The following CA12 variants were observed in gnomAD, a reference collection of about 807,000 sequenced individuals.
CA12 encodes carbonic anhydrase 12, also known as carbonate dehydratase XII.
In CA12, 36 loss-of-function variants were observed where a neutral mutation model predicts 46.8. The observed-to-expected ratio is 0.77, with a 90% confidence interval of 0.59 to 1.02. The LOEUF (loss-of-function observed/expected upper bound fraction) is 1.02, where lower values mean the gene tolerates loss of function less well. CA12 is among the 50% of genes least tolerant of loss of function. The pLI, the probability that CA12 is intolerant of heterozygous loss-of-function variation, is 0.00. For synonymous variants in CA12, 202 were observed against 187.0 expected, an observed-to-expected ratio of 1.08 and a Z score of -0.65; for missense variants, 436 against 451.4, an observed-to-expected ratio of 0.97 and a Z score of 0.31.
chr15:63,363,977 CG>C (rs1284781259), intron 2 of CA12, among the ~76,000 whole-genome samples: 1 of 152,034 alleles, frequency 6.6e-6, no homozygotes, highest in Non-Finnish European at 1.5e-5. Context: ...CACCTGAGGT[CG>C]GGAGTTCGAG....
At chr15:63,380,378 G>A (rs547442277) in intron 1 of CA12, among the ~76,000 whole-genome samples, 14 of 152,298 alleles carry the variant, frequency 9.2e-5, no homozygotes, top group African/African-American at 3.4e-4. Context: ...CTGCCCCAGA[G>A]TGAGAGGAGC....
At chr15:63,364,046 G>A (rs569398390) in intron 2 of CA12, among the ~76,000 whole-genome samples, 4 of 152,114 alleles carry the variant, frequency 2.6e-5, no homozygotes, top group Admixed American at 2.0e-4. Context: ...AATTAGCCGG[G>A]CGTGGTGGCG....
Position 63,346,647 on chromosome 15 carries a change from G to A in CA12, c.169C>T (p.Pro57Ser). Residue 57 changes from proline to serine, a missense_variant, in exon 3 of 11, where the codon CCC (proline) becomes TCC (serine). Physicochemically the swap from Pro to Ser is moderately conservative, Grantham distance 74. Transcript: ENST00000178638. ...YPSCGGLLQS[P>S]IDLHSDILQY... ...AGGATGTCACTGTGCAGGTCTATGG[G>A]GGACTGCAGCAGGCCCCCACACGAC... The A allele has an allele frequency of 1.2e-6, 2 of 1,613,438 alleles. No homozygotes were observed. Among genetic ancestry groups the A allele is most frequent in the Non-Finnish European group, 1.7e-6 (2 of 1,179,812 alleles).
chr15:63,367,875 T>G (rs988747684), intron 2 of CA12, among the ~76,000 whole-genome samples: 7 of 152,162 alleles, frequency 4.6e-5, no homozygotes, highest in Non-Finnish European at 8.8e-5. Context: ...CTAAATTACT[T>G]TGTTTTTACA....
intron 2 of CA12, among the ~76,000 whole-genome samples, chr15:63,371,644 C>G (rs2039508516): frequency 6.6e-6 from 1 of 152,242 alleles, no homozygotes; most frequent in Non-Finnish European, 1.5e-5. Context: ...GCGTTTAAGA[C>G]TTTGCAGATC....
intron 4 of CA12, 22 bp from the exon 5 acceptor site, chr15:63,342,119 C>T (rs371144012): frequency 1.2e-5 from 18 of 1,526,484 alleles, no homozygotes; most frequent in Non-Finnish European, 1.5e-5. Flanking sequence ...GAGAAGCCAC[C>T]CATTAGGAGA....
rs939798353 is a variant in CA12, at chr15:63,327,901, A to T, written c.907+197T>A. ...TACACACATGCTGTAGAGTGATTGG[A>T]TCTTTCATTAGAGGAACATTTGATT... On this transcript the variant is annotated intron_variant, in intron 9 of 10. Transcript: ENST00000178638. This position sits in a 1 kb window ranked among gnomAD's most constrained non-coding sequence, Gnocchi z 4.5. 2.0e-5 allele frequency among the ~76,000 whole-genome samples: 3 copies of T among 152,190 alleles called. No individual in the cohort carries two copies. The highest frequency in any genetic ancestry group is 4.4e-5 in the Non-Finnish European group (3 of 68,024).
In CA12 at chr15:63,327,381, T is replaced by C. The variant is rs2038881303; in HGVS notation, c.908-148A>G. On this transcript the variant is annotated intron_variant, in intron 9 of 10. Transcript: ENST00000178638. The surrounding 1 kb of genome is among the most constrained non-coding windows in gnomAD (Gnocchi z 4.5). ...ATCCCTGTTCTCAGATTCTGGTCTT[T>C]GGCTTAGTGGGACTGGCTGGAGTAT... is the stretch of plus-strand genomic sequence containing the variant. 1 of 730,786 alleles carries C rather than the reference T, an allele frequency of 1.4e-6. No homozygotes were observed. The highest frequency in any genetic ancestry group is 2.4e-6 in the Non-Finnish European group (1 of 413,408). 45.3% of individuals were successfully genotyped at this position (730,786 alleles called of 1,614,324 possible).
chr15:63,326,082 G>T lies in CA12; in HGVS notation c.*203C>A. 1 of 597,838 alleles carries T rather than the reference G, an allele frequency of 1.7e-6. No homozygotes were observed. Among genetic ancestry groups the T allele is most frequent in the Non-Finnish European group, 3.0e-6 (1 of 329,380 alleles). The allele number at this position is 597,838 out of a possible 1,614,324, so 37.0% of individuals were successfully genotyped here. A position where few individuals can be genotyped will look rare whatever the true frequency, so the allele number is the denominator to read the frequency against. On this transcript the variant is annotated 3_prime_UTR_variant, in exon 11 of 11. Coordinates refer to ENST00000178638, the MANE Select transcript of CA12 (RefSeq NM_001218.5). ...AATTCCTGCTGCTTGGTCTGAGAGT[G>T]CATCCCATCCATCGATCGGATGGCT...
rs927455216 is a variant in CA12 at position 63,345,273 on chromosome 15, A to G, written c.429+204T>C. The stretch of plus-strand genomic sequence containing the variant: ...ACACAGGGACAAACTTAGCATGTTC[A>G]GGAGAAGAAAGGGACCAGGACAGTG... On this transcript the variant is annotated intron_variant, in intron 4 of 10. Coordinates refer to ENST00000178638, the MANE Select transcript of CA12 (RefSeq NM_001218.5). The surrounding 1 kb of genome is among the most constrained non-coding windows in gnomAD (Gnocchi z 4.3). Among the ~76,000 whole-genome samples, 1 of 152,262 alleles carries G rather than the reference A, an allele frequency of 6.6e-6. No individual in the cohort carries two copies. Among genetic ancestry groups the G allele is most frequent in the East Asian group, 1.9e-4 (1 of 5,196 alleles).
chr15:63,334,053 G>T (rs912094334), intron 8 of CA12, among the ~76,000 whole-genome samples: 2 of 151,980 alleles, frequency 1.3e-5, no homozygotes, highest in Admixed American at 1.3e-4. Context: ...CAAGAACCAG[G>T]CCAAAGCCCT....
Position 63,355,701 on chromosome 15 carries a change from A to G in CA12, c.107-8992T>C, listed in dbSNP as rs763594695. On this transcript the variant is annotated intron_variant, in intron 2 of 10. Coordinates refer to ENST00000178638, the MANE Select transcript of CA12 (RefSeq NM_001218.5). This position sits in a 1 kb window ranked among gnomAD's most constrained non-coding sequence, Gnocchi z 4.1. ...CCACTAAGTTAAACAAACTGCTGAC[A>G]TGCTAACAACCTAACCCCTATCATG... is the stretch of plus-strand genomic sequence containing the variant. Among the ~76,000 whole-genome samples the G allele has an allele frequency of 6.6e-6, 1 of 152,200 alleles. No individual in the cohort carries two copies. Among genetic ancestry groups the G allele is most frequent in the African/African-American group, 2.4e-5 (1 of 41,416 alleles).
At position 63,339,644 on chromosome 15, in the gene CA12, G is replaced by A. The variant is rs1188136987; in HGVS notation, c.747+644C>T. On this transcript the variant is annotated intron_variant, in intron 7 of 10. Transcript: ENST00000178638. The surrounding 1 kb of genome is among the most constrained non-coding windows in gnomAD (Gnocchi z 4.3). Reference sequence around the variant, plus strand: ...AGCTGGCGTGGGGCTGTGAGCCAGGGTGTAGTGCTGGCCCCAGCCCCGTCT... The same window carrying A: ...AGCTGGCGTGGGGCTGTGAGCCAGGATGTAGTGCTGGCCCCAGCCCCGTCT... Among the ~76,000 whole-genome samples, 1 of 152,236 alleles carries A rather than the reference G, an allele frequency of 6.6e-6. No homozygotes were observed. Among genetic ancestry groups the A allele is most frequent in the Non-Finnish European group, 1.5e-5 (1 of 68,042 alleles).
At position 63,373,398 on chromosome 15, in the gene CA12, A is replaced by G. The variant is rs1364023306; in HGVS notation, c.106+2260T>C. 6.6e-6 allele frequency among the ~76,000 whole-genome samples: 1 copy of G among 151,900 alleles called. No individual in the cohort carries two copies. The highest frequency in any genetic ancestry group is 1.5e-5 in the Non-Finnish European group (1 of 67,976). On this transcript the variant is annotated intron_variant, in intron 2 of 10. Transcript: ENST00000178638. This position sits in a 1 kb window ranked among gnomAD's most constrained non-coding sequence, Gnocchi z 4.9. ...ATTTGTCCTCCCACACCTTCACACA[A>G]TGTCTCTGTTCCCTGTCGCCATCTC...
At position 63,374,565 on chromosome 15, in the gene CA12, C is replaced by T. The variant is rs1259682620; in HGVS notation, c.106+1093G>A. 1.3e-5 allele frequency among the ~76,000 whole-genome samples: 2 copies of T among 152,226 alleles called. No homozygotes were observed. Among genetic ancestry groups the T allele is most frequent in the African/African-American group, 4.8e-5 (2 of 41,468 alleles). The stretch of plus-strand genomic sequence containing the variant: ...CAATGTGCTGTGCACATAATCAGTA[C>T]ATAAGGGATGTTAGCAATAACGGAG... On this transcript the variant is annotated intron_variant, in intron 2 of 10. Transcript: ENST00000178638. The surrounding 1 kb of genome is among the most constrained non-coding windows in gnomAD (Gnocchi z 4.4).
At chr15:63,363,889 T>C (rs1378591635) in intron 2 of CA12, among the ~76,000 whole-genome samples, 1 of 152,194 alleles carries the variant, frequency 6.6e-6, no homozygotes, top group African/African-American at 2.4e-5. Flanking sequence ...AAAAGGCTTA[T>C]CAAGAGTGGG....
intron 1 of CA12, among the ~76,000 whole-genome samples, 157 bp from the exon 2 acceptor site, chr15:63,375,835 G>A (rs1318707821): frequency 6.7e-6 from 1 of 150,370 alleles, no homozygotes; most frequent in East Asian, 1.9e-4. Flanking sequence ...TCAAGGTGGA[G>A]TATTGCTCTT....
chr15:63,370,911 C>T (rs2039496550), intron 2 of CA12, among the ~76,000 whole-genome samples: 1 of 152,108 alleles, frequency 6.6e-6, no homozygotes, highest in Admixed American at 6.5e-5. Context: ...TTTGAGATGG[C>T]CAAGCCTCCC....
At chr15:63,377,751 A>C (rs938892363) in intron 1 of CA12, among the ~76,000 whole-genome samples, 48 of 152,130 alleles carry the variant, frequency 3.2e-4, no homozygotes, top group African/African-American at 1.1e-3. Context: ...TTATCTCCAT[A>C]TCTCTATATA....
Sources: allele counts gnomAD v4.1 joint callset (sites outside exome capture counted in the v4.1 genomes callset), GRCh38; gene constraint gnomAD v4.1.1; non-coding constraint Gnocchi (gnomAD v3.1); transcripts MANE v1.5; gene names NCBI Gene and HGNC (gene_info 2026-07-23, HGNC 2026-07-21).